Variants in TAAR5 observed in about 807,000 individuals in gnomAD.
TAAR5 encodes the protein trace amine-associated receptor 5.
In TAAR5, 27 loss-of-function variants were observed where a neutral mutation model predicts 21.1. The observed-to-expected ratio is 1.28, with a 90% CI of 0.94 to 1.76. The LOEUF (loss-of-function observed/expected upper bound fraction) is 1.76. Among genes scored for constraint, TAAR5 ranks in the 40% most tolerant of loss-of-function variants. The pLI is 0.00. For synonymous variants in TAAR5, 203 were observed against 167.5 expected (o/e 1.21, Z -1.64); for missense variants, 495 against 405.6 (o/e 1.22, Z -1.89).
the TAAR5 span, among the ~76,000 whole-genome samples, chr6:132,615,357 C>T: frequency 2.0e-5 from 3 of 151,786 alleles, no homozygotes; most frequent in East Asian, 5.8e-4. Flanking sequence ...ACTTTGATTC[C>T]TGAATGTAAC....
the TAAR5 span, among the ~76,000 whole-genome samples, chr6:132,607,501 G>C: frequency 6.6e-6 from 1 of 152,100 alleles, no homozygotes; most frequent in Non-Finnish European, 1.5e-5. Flanking sequence ...GACTTTTGGA[G>C]AAAGTGGTTG....
the TAAR5 span, among the ~76,000 whole-genome samples, chr6:132,613,787 T>C: frequency 7.4e-3 from 1,120 of 152,312 alleles, 13 homozygotes; most frequent in African/African-American, 0.025. Context: ...CCATATAACT[T>C]GTAGTAGACT....
At chr6:132,608,804 G>A in the TAAR5 span, 1 of 456,002 alleles carries the variant, frequency 2.2e-6, no homozygotes, top group East Asian at 7.0e-5. Flanking sequence ...AAAAGAGCAG[G>A]AACTGACCAG....
At chr6:132,610,574 C>A in the TAAR5 span, among the ~76,000 whole-genome samples, 1 of 152,120 alleles carries the variant, frequency 6.6e-6, no homozygotes, top group Non-Finnish European at 1.5e-5. Context: ...TTCTTCCTGA[C>A]CGACGGGGAA....
the TAAR5 span, among the ~76,000 whole-genome samples, chr6:132,611,635 A>G: frequency 6.6e-6 from 1 of 152,166 alleles, no homozygotes; most frequent in Non-Finnish European, 1.5e-5. Context: ...AGGGTACCCC[A>G]AAATATGGCA....
rs150806754 is a variant in TAAR5, at chr6:132,589,330, G to A, written c.357C>T (p.Leu119=). The A allele has an allele frequency of 7.2e-5, 117 of 1,613,970 alleles. No homozygotes were observed. In the African/African-American group the frequency reaches 1.2e-3, roughly 16 times the overall value. Reference sequence around the variant, plus strand: ...TGAAACAGAGATGGAAGATGGAGGTGAGGCAGAAGAGGGTGTCCAGGTAGG... The same window carrying A: ...TGAAACAGAGATGGAAGATGGAGGTAAGGCAGAAGAGGGTGTCCAGGTAGG... ...LHTYLDTLFC[L]TSIFHLCFIS... The change falls in exon 1 of 1, where the codon CTC becomes CTT. Residue 119 remains leucine, a synonymous_variant. Coordinates refer to ENST00000258034, the MANE Select transcript of TAAR5 (RefSeq NM_003967.3).
chr6:132,593,941 A>G (rs1385706954), upstream of TAAR5, among the ~76,000 whole-genome samples: 5 of 152,146 alleles, frequency 3.3e-5, no homozygotes, highest in Admixed American at 2.0e-4. Flanking sequence ...CATAACTCAG[A>G]CTTCCTGTAT....
At chr6:132,600,695 A>T in the TAAR5 span, among the ~76,000 whole-genome samples, 6 of 151,558 alleles carry the variant, frequency 4.0e-5, no homozygotes, top group Admixed American at 6.6e-5. Context: ...TCCCCAAAGA[A>T]GAAAAAAACT....
the TAAR5 span, among the ~76,000 whole-genome samples, chr6:132,615,877 AACACACACAC>A: frequency 6.7e-4 from 98 of 145,238 alleles, no homozygotes; most frequent in East Asian, 2.0e-3. Flanking sequence ...ACCATGTATA[AACACACACAC>A]ACACACACAC....
chr6:132,609,022 G>A, the TAAR5 span: 1 of 455,820 alleles, frequency 2.2e-6, no homozygotes, highest in Non-Finnish European at 4.4e-6. Context: ...TATGCTGTAT[G>A]GCATAATGAC....
the TAAR5 span, chr6:132,608,944 A>G: frequency 2.6e-5 from 12 of 455,862 alleles, no homozygotes; most frequent in Middle Eastern, 3.2e-4. Context: ...TCTGAGCATC[A>G]TGTCAAAGCT....
At position 132,589,439 on chromosome 6, in the gene TAAR5, A is replaced by G; in HGVS notation, c.248T>C (p.Leu83Pro). 1 of 1,614,022 alleles carries G rather than the reference A, an allele frequency of 6.2e-7. No homozygotes were observed. The highest frequency in any genetic ancestry group is 8.5e-7 in the Non-Finnish European group (1 of 1,179,912). ...GCTGAGGGGCAGCACCAGCAGACCC[A>G]GAAACATGTCAGCCAGGGCCAGGGA... ...LLSLALADMF[L>P]GLLVLPLSTI... is the part of the protein sequence containing the mutation. The change falls in exon 1 of 1, where the codon CTG (leucine) becomes CCG (proline). Residue 83 changes from leucine (L) to proline (P), a missense_variant. Leu to Pro is a moderately conservative substitution (Grantham distance 98). Transcript: ENST00000258034.
the TAAR5 span, chr6:132,609,307 G>C: frequency 3.9e-6 from 1 of 259,672 alleles, no homozygotes; most frequent in Non-Finnish European, 7.5e-6. Flanking sequence ...TTCTTTCCAG[G>C]AGGATGAGTC....
chr6:132,591,435 C>G (rs1391156845), upstream of TAAR5, among the ~76,000 whole-genome samples: 1 of 152,198 alleles, frequency 6.6e-6, no homozygotes, highest in Non-Finnish European at 1.5e-5. Context: ...GTATGCACCT[C>G]TCCTTTCTCT....
At position 132,588,640 on chromosome 6, in the gene TAAR5, G is replaced by T. The variant is rs763156033; in HGVS notation, c.*33C>A. 80 of 1,580,564 alleles carry T rather than the reference G, an allele frequency of 5.1e-5. No individual in the cohort carries two copies. Among genetic ancestry groups the T allele is most frequent in the Non-Finnish European group, 6.8e-5 (79 of 1,161,756 alleles). ...CAGTGCCACTTATCTTTCCTGTGAG[G>T]TCCTACTCCTTGCCTGCATTTAGTA... On this transcript the variant is annotated 3_prime_UTR_variant, in exon 1 of 1. Transcript: ENST00000258034.
the TAAR5 span, among the ~76,000 whole-genome samples, chr6:132,603,943 T>C: frequency 6.6e-6 from 1 of 152,070 alleles, no homozygotes; most frequent in African/African-American, 2.4e-5. Flanking sequence ...GCTAAATGTA[T>C]ATACAGAATA....
chr6:132,596,307 G>A, the TAAR5 span, among the ~76,000 whole-genome samples: 2 of 152,030 alleles, frequency 1.3e-5, no homozygotes, highest in Admixed American at 1.3e-4. Context: ...GAAAATAATG[G>A]GACTGACTTA....
At chr6:132,609,191 T>C in the TAAR5 span, 20 of 357,834 alleles carry the variant, frequency 5.6e-5, no homozygotes, top group Non-Finnish European at 9.9e-5. Flanking sequence ...CACCTGGACA[T>C]GAAAAGAGCG....
upstream of TAAR5, among the ~76,000 whole-genome samples, chr6:132,591,776 A>G (rs1582727675): frequency 6.6e-6 from 1 of 152,240 alleles, no homozygotes; most frequent in East Asian, 1.9e-4. Flanking sequence ...GATAGATTAC[A>G]TCAGACCTAC....
Sources: gnomAD v4.1 joint callset for allele counts (sites outside exome capture counted in the v4.1 genomes callset) on GRCh38, gnomAD v4.1.1 for gene constraint, MANE v1.5 for transcripts, NCBI Gene and HGNC (gene_info 2026-07-23, HGNC 2026-07-21) for gene names.